Variants in GRIA1 observed in about 807,000 individuals in gnomAD.
The protein encoded by GRIA1 is glutamate receptor 1.
In GRIA1, 31 loss-of-function variants were observed where a neutral mutation model predicts 99.2. The observed-to-expected ratio is 0.31, with a 90% CI of 0.23 to 0.42. The LOEUF (loss-of-function observed/expected upper bound fraction) is 0.42. GRIA1 is among the 10% of genes least tolerant of loss of function. The pLI is 1.00. For synonymous variants in GRIA1, 438 were observed against 432.4 expected (o/e 1.01, Z -0.16); for missense variants, 782 against 1,157.5 (o/e 0.68, Z 4.71).
At chr5:153,527,457 T>A (rs983577979) in intron 2 of GRIA1, among the ~76,000 whole-genome samples, 2 of 152,218 alleles carry the variant, frequency 1.3e-5, no homozygotes, top group African/African-American at 4.8e-5. Flanking sequence ...TAATTTTAGG[T>A]GTACACTTGA....
intron 11 of GRIA1, among the ~76,000 whole-genome samples, chr5:153,763,308 A>G (rs1763302737): frequency 6.6e-6 from 1 of 152,170 alleles, no homozygotes; most frequent in African/African-American, 2.4e-5. Context: ...TGCTGTCCCG[A>G]GGCACAGTAG....
chr5:153,614,037 C>T (rs1211675318), intron 2 of GRIA1, among the ~76,000 whole-genome samples: 1 of 152,186 alleles, frequency 6.6e-6, no homozygotes, highest in African/African-American at 2.4e-5. Context: ...CTGCTTCTCT[C>T]GCTGCTCGGA....
chr5:153,676,222 C>G (rs1349884662), intron 6 of GRIA1, among the ~76,000 whole-genome samples: 1 of 152,182 alleles, frequency 6.6e-6, no homozygotes, highest in Non-Finnish European at 1.5e-5. Flanking sequence ...AATACCCATT[C>G]ATTCGTTCTT....
At chr5:153,718,831 A>G (rs1759844630) in intron 11 of GRIA1, among the ~76,000 whole-genome samples, 1 of 152,170 alleles carries the variant, frequency 6.6e-6, no homozygotes, top group African/African-American at 2.4e-5. Flanking sequence ...AGGAAAGTCC[A>G]GAGGCTATTT....
chr5:153,698,486 A>G lies in GRIA1; in HGVS notation c.1245+332A>G, dbSNP rs541492207. On this transcript the variant is annotated intron_variant, in intron 9 of 15. Coordinates refer to ENST00000285900, the MANE Select transcript of GRIA1 (RefSeq NM_000827.4). Reference sequence around the variant, plus strand: ...AGAAGCTATTTTCAAAGAAAGTCCAATACATAAAGTAGCTGTAAGTGAAGA... The same window carrying G: ...AGAAGCTATTTTCAAAGAAAGTCCAGTACATAAAGTAGCTGTAAGTGAAGA... 1.6e-4 allele frequency among the ~76,000 whole-genome samples: 24 copies of G among 152,318 alleles called. No homozygotes were observed. In the East Asian group the frequency reaches 4.6e-3, roughly 29 times the overall value.
At chr5:153,701,657 G>T (rs141408157) in intron 10 of GRIA1, among the ~76,000 whole-genome samples, 1 of 84,210 alleles carries the variant, frequency 1.2e-5, no homozygotes, top group African/African-American at 3.7e-5. Flanking sequence ...ATGTTCTGAA[G>T]ACTCTGTGAT....
chr5:153,724,306 G>A (rs1043507719), intron 11 of GRIA1, among the ~76,000 whole-genome samples: 1 of 151,490 alleles, frequency 6.6e-6, no homozygotes, highest in African/African-American at 2.4e-5. Context: ...AAAAAACAGA[G>A]CAGAAAAACT....
intron 2 of GRIA1, among the ~76,000 whole-genome samples, chr5:153,506,637 C>A (rs1351011408): frequency 6.6e-6 from 1 of 152,084 alleles, no homozygotes; most frequent in East Asian, 1.9e-4. Context: ...CAAGGGAGAA[C>A]AAAGAACATC....
chr5:153,759,330 TAAGAG>T lies in GRIA1; in HGVS notation c.1824-5101_1824-5097del, dbSNP rs150017803. 6.0e-3 allele frequency among the ~76,000 whole-genome samples: 916 copies of T among 151,492 alleles called. 10 individuals carry two copies. Among genetic ancestry groups the T allele is most frequent in the African/African-American group, 0.021 (875 of 41,428 alleles). On this transcript the variant is annotated intron_variant, in intron 11 of 15. Coordinates refer to ENST00000285900, the MANE Select transcript of GRIA1 (RefSeq NM_000827.4). ...CGAACCTTTAGCAAGACTGAGAAAA[TAAGAG>T]AAATGACTCAAATAAATAAAATTAT...
At chr5:153,808,608 C>A (rs770919617) in intron 15 of GRIA1, among the ~76,000 whole-genome samples, 1 of 152,198 alleles carries the variant, frequency 6.6e-6, no homozygotes, top group Admixed American at 6.5e-5. Context: ...ACCACACCAG[C>A]ATCTCTAGGA....
chr5:153,545,756 T>C (rs533554123), intron 2 of GRIA1, among the ~76,000 whole-genome samples: 1 of 152,208 alleles, frequency 6.6e-6, no homozygotes, highest in Non-Finnish European at 1.5e-5. Context: ...AACTGATTGG[T>C]CCCTCTTATA....
In GRIA1 at chr5:153,770,360, G is replaced by A. The variant is rs928443026; in HGVS notation, c.2215G>A (p.Gly739Ser). The A allele has an allele frequency of 6.2e-6, 10 of 1,613,868 alleles. No homozygotes were observed. The highest frequency in any genetic ancestry group is 7.6e-6 in the Non-Finnish European group (9 of 1,179,818). Residue 739 changes from glycine (G) to serine (S), a missense_variant, in exon 13 of 16, where the codon GGT becomes AGT. This residue lies in a region of GRIA1 where 119 missense variants were observed against 326.6 expected (regional missense o/e 0.36). Coordinates refer to ENST00000285900, the MANE Select transcript of GRIA1 (RefSeq NM_000827.4). ...ACCCTGTGACACCATGAAGGTGGGAGGTAACTTGGATTCCAAAGGCTATGG... is the reference window on the plus strand; with the variant it reads ...ACCCTGTGACACCATGAAGGTGGGAAGTAACTTGGATTCCAAAGGCTATGG... Reference protein sequence around the residue: ...RKPCDTMKVGGNLDSKGYGIA... With the variant: ...RKPCDTMKVGSNLDSKGYGIA...
intron 2 of GRIA1, among the ~76,000 whole-genome samples, chr5:153,564,229 A>G (rs1420458254): frequency 6.6e-6 from 1 of 152,160 alleles, no homozygotes; most frequent in Non-Finnish European, 1.5e-5. Flanking sequence ...GCCAGGGTAA[A>G]TATTCAGTCA....
At chr5:153,703,627 C>A (rs1758684963) in intron 10 of GRIA1, among the ~76,000 whole-genome samples, 1 of 152,126 alleles carries the variant, frequency 6.6e-6, no homozygotes, top group African/African-American at 2.4e-5. Context: ...GTAATCCCAG[C>A]TACTTAGGAG....
chr5:153,649,299 T>G (rs772720757), intron 3 of GRIA1, among the ~76,000 whole-genome samples: 29 of 152,206 alleles, frequency 1.9e-4, no homozygotes, highest in Non-Finnish European at 3.4e-4. Context: ...GTGTGATAAC[T>G]TGTTACAGCA....
chr5:153,603,894 A>T (rs1765222356), intron 2 of GRIA1, among the ~76,000 whole-genome samples: 1 of 152,206 alleles, frequency 6.6e-6, no homozygotes, highest in African/African-American at 2.4e-5. Flanking sequence ...TGATAAGCAG[A>T]GATTTTAGTA....
At chr5:153,566,790 T>C (rs7716762) in intron 2 of GRIA1, among the ~76,000 whole-genome samples, 145,512 of 147,086 alleles carry the variant, frequency 0.99, 72,007 homozygotes, top group South Asian at 1. Context: ...AATCTCGGCT[T>C]ACTGCAACCT....
intron 11 of GRIA1, among the ~76,000 whole-genome samples, chr5:153,717,314 T>C (rs1393265334): frequency 2.6e-5 from 4 of 152,162 alleles, no homozygotes; most frequent in Non-Finnish European, 5.9e-5. Flanking sequence ...CCTTGAAAGA[T>C]GAAATAAGAT....
intron 13 of GRIA1, among the ~76,000 whole-genome samples, chr5:153,771,782 T>C (rs1340518742): frequency 6.6e-6 from 1 of 152,212 alleles, no homozygotes; most frequent in Non-Finnish European, 1.5e-5. Context: ...CGTAAGCTTA[T>C]TATTCTGGGA....
Sources: gnomAD v4.1 joint callset for allele counts (sites outside exome capture counted in the v4.1 genomes callset) on GRCh38, gnomAD v4.1.1 for gene constraint, gnomAD v4.1.1 regional missense constraint, MANE v1.5 for transcripts, NCBI Gene and HGNC (gene_info 2026-07-23, HGNC 2026-07-21) for gene names.